The following APRT variants were observed in gnomAD, a reference collection of about 807,000 sequenced individuals.
The protein encoded by APRT is adenine phosphoribosyltransferase, also known as AMP diphosphorylase.
APRT carries 25 observed loss-of-function variants against 21.0 expected under a neutral mutation model. That is an observed-to-expected ratio of 1.19 (90% CI 0.87 to 1.66). APRT has a LOEUF of 1.66. APRT is among the 40% of genes most tolerant of loss of function. APRT has a pLI of 0.00. For missense variants in APRT, 294 were observed against 232.7 expected, an observed-to-expected ratio of 1.26 and a Z score of -1.72; for synonymous variants, 153 against 109.0, an observed-to-expected ratio of 1.40 and a Z score of -2.52.
In APRT at chr16:88,809,579, G is replaced by A; in HGVS notation, c.*119C>T. On this transcript the variant is annotated 3_prime_UTR_variant, in exon 5 of 5. Transcript: ENST00000378364. ...CACTTCCAGCCCCAGGAGAGGCGCT[G>A]AACCCCAGCAAAGGAATGTGTTCCC... The A allele has an allele frequency of 6.6e-7, 1 of 1,512,362 alleles. No individual in the cohort carries two copies. The allele number at this position is 1,512,362 out of a possible 1,614,324, so 93.7% of individuals were successfully genotyped here.
At chr16:88,810,904 C>CGAGGTGGCCTGAGCT (rs1909108302) in intron 2 of APRT, among the ~76,000 whole-genome samples, 1 of 152,158 alleles carries the variant, frequency 6.6e-6, no homozygotes, top group Admixed American at 6.5e-5. Context: ...GGGAGTCTCT[C>CGAGGTGGCCTGAGCT]GAGGTGGCCT....
At position 88,809,616 on chromosome 16, in the gene APRT, G is replaced by A. The variant is rs1028927368; in HGVS notation, c.*82C>T. The A allele has an allele frequency of 6.9e-6, 11 of 1,592,610 alleles. No homozygotes were observed. The highest frequency in any genetic ancestry group is 1.7e-4 in the Middle Eastern group (1 of 6,022). On this transcript the variant is annotated 3_prime_UTR_variant, in exon 5 of 5. Coordinates refer to ENST00000378364, the MANE Select transcript of APRT (RefSeq NM_000485.3). ...AGGAATGTGTTCCCTGTGGGCAGCCGGTGCCCCTGGTCACTGCAGTTGCCC... is the reference window on the plus strand; with the variant it reads ...AGGAATGTGTTCCCTGTGGGCAGCCAGTGCCCCTGGTCACTGCAGTTGCCC...
In APRT at chr16:88,810,494, C is replaced by T. The variant is rs200392753; in HGVS notation, c.250G>A (p.Val84Met). 1.9e-5 allele frequency: 31 copies of T among 1,612,390 alleles called. No individual in the cohort carries two copies. Among genetic ancestry groups the T allele is most frequent in the Middle Eastern group, 3.3e-4 (2 of 6,062 alleles). The change falls in exon 3 of 5, where the codon GTG becomes ATG. Residue 84 changes from valine to methionine, a missense_variant. Transcript: ENST00000378364. Reference protein sequence around the residue: ...SLAQELGLGCVLIRKRGKLPG... With the variant: ...SLAQELGLGCMLIRKRGKLPG... Reference sequence around the variant, plus strand: ...AGCTTCCCCCGCTTTCGGATGAGCACGCAGCCCAGTCCAAGCTCCTGGGCC... The same window carrying T: ...AGCTTCCCCCGCTTTCGGATGAGCATGCAGCCCAGTCCAAGCTCCTGGGCC...
chr16:88,811,297 A>G (rs994552358), intron 2 of APRT: 9 of 563,124 alleles, frequency 1.6e-5, no homozygotes, highest in Non-Finnish European at 3.1e-6. Context: ...CAGGGAGACC[A>G]ACTGACCCGG....
Position 88,810,870 on chromosome 16 carries a change from T to C in APRT, c.188-314A>G, listed in dbSNP as rs191058824. ...CTCAGCTTACTCTCAAAGGCAGCTC[T>C]GCACCAGGGCTTCTGTCTAAAAAGG... is the stretch of plus-strand genomic sequence containing the variant. On this transcript the variant is annotated intron_variant, in intron 2 of 4. Transcript: ENST00000378364. Among the ~76,000 whole-genome samples, 223 of 152,292 alleles carry C rather than the reference T, an allele frequency of 1.5e-3. 1 individual carries two copies. Among genetic ancestry groups the C allele is most frequent in the African/African-American group, 5.0e-3 (207 of 41,554 alleles).
At position 88,809,370 on chromosome 16, in the gene APRT, T is replaced by C; in HGVS notation, c.*328A>G. ...AGGTGAGAACCAGGACAGGTTCTGC[T>C]GGGCATCACGCCAAGCAGCACATGC... On this transcript the variant is annotated 3_prime_UTR_variant, in exon 5 of 5. Coordinates refer to ENST00000378364, the MANE Select transcript of APRT (RefSeq NM_000485.3). 2.0e-6 allele frequency: 1 copy of C among 495,622 alleles called. No homozygotes were observed. The highest frequency in any genetic ancestry group is 3.9e-6 in the Non-Finnish European group (1 of 254,184). 30.7% of individuals were successfully genotyped at this position (495,622 alleles called of 1,614,324 possible). A position where few individuals can be genotyped will look rare whatever the true frequency, so the allele number is the denominator to read the frequency against.
chr16:88,809,544 C>G lies in APRT; in HGVS notation c.*154G>C, dbSNP rs181364821. 148 of 1,243,360 alleles carry G rather than the reference C, an allele frequency of 1.2e-4. 1 individual carries two copies. The African/African-American group carries it at 1.8e-3, about 15-fold the overall frequency. 77.0% of individuals were successfully genotyped at this position (1,243,360 alleles called of 1,614,324 possible). On this transcript the variant is annotated 3_prime_UTR_variant, in exon 5 of 5. Transcript: ENST00000378364. ...GTGTGGCTGAAACACAGCTTTGCCC[C>G]AGGCTTTGGCACTTCCAGCCCCAGG...
chr16:88,809,974 C>T, intron 4 of APRT, 96 bp downstream of exon 4: 1 of 1,567,458 alleles, frequency 6.4e-7, no homozygotes, highest in Non-Finnish European at 8.7e-7. Context: ...ACCCTCTGGA[C>T]AACAGTAAGC....
intron 3 of APRT, 32 bp downstream of exon 3, chr16:88,810,386 GGCCCT>G: frequency 6.2e-7 from 1 of 1,608,528 alleles, no homozygotes; most frequent in Non-Finnish European, 8.5e-7. Flanking sequence ...ACGGTGGCCT[GGCCCT>G]GCCCTTCCTC....
rs1027760229 is a variant in APRT, at chr16:88,809,392, A to G, written c.*306T>C. The G allele has an allele frequency of 3.2e-5, 17 of 529,222 alleles. No individual in the cohort carries two copies. Among genetic ancestry groups the G allele is most frequent in the Non-Finnish European group, 5.8e-5 (16 of 275,122 alleles). 32.8% of individuals were successfully genotyped at this position (529,222 alleles called of 1,614,324 possible). A position where few individuals can be genotyped will look rare whatever the true frequency, so the allele number is the denominator to read the frequency against. ...TGCTGGGCATCACGCCAAGCAGCAC[A>G]TGCCCACAGTACAGCTGAAGTCTGG... On this transcript the variant is annotated 3_prime_UTR_variant, in exon 5 of 5. Transcript: ENST00000378364.
rs1374318049 is a variant in APRT at position 88,811,913 on chromosome 16, G to A, written c.-14C>T. 17 of 1,542,314 alleles carry A rather than the reference G, an allele frequency of 1.1e-5. No homozygotes were observed. Among genetic ancestry groups the A allele is most frequent in the Middle Eastern group, 2.1e-4 (1 of 4,838 alleles). On this transcript the variant is annotated 5_prime_UTR_variant, in exon 1 of 5. Coordinates refer to ENST00000378364, the MANE Select transcript of APRT (RefSeq NM_000485.3). ...GGAGTCGGCCATGGCCGCGTGCGAAGAGCCAGCGGCAGCCCGAGCGCGCCT... is the reference window on the plus strand; with the variant it reads ...GGAGTCGGCCATGGCCGCGTGCGAAAAGCCAGCGGCAGCCCGAGCGCGCCT...
At chr16:88,811,062 G>A (rs889511456) in intron 2 of APRT, 4 of 280,996 alleles carry the variant, frequency 1.4e-5, no homozygotes, top group Non-Finnish European at 2.7e-5. Flanking sequence ...CAGTGTCCAG[G>A]GAGTGGGCTG....
rs1394771405 is a variant in APRT, at chr16:88,809,805, G to A, written c.436C>T (p.Leu146=). 1.2e-6 allele frequency: 2 copies of A among 1,613,000 alleles called. No individual in the cohort carries two copies. The highest frequency in any genetic ancestry group is 2.2e-5 in the East Asian group (1 of 44,890). The change falls in exon 5 of 5, where the codon CTG becomes TTG. Residue 146 remains leucine, a synonymous_variant. Transcript: ENST00000378364. ...MNAACELLGR[L]QAEVLECVSL... is the part of the protein sequence containing the mutation. Reference sequence around the variant, plus strand: ...ACGCACTCCAGGACCTCAGCCTGCAGGCGGCCCAGCAGCTCACAGGCAGCG... The same window carrying A: ...ACGCACTCCAGGACCTCAGCCTGCAAGCGGCCCAGCAGCTCACAGGCAGCG...
Position 88,810,069 on chromosome 16 carries a change from C to A in APRT, c.400+1G>T, listed in dbSNP as rs1317695590. On this transcript the variant is annotated splice_donor_variant, in intron 4 of 4. Transcript: ENST00000378364. LOFTEE classifies it high-confidence loss of function. The stretch of plus-strand genomic sequence containing the variant: ...GCAGTTGGCTGCGGGGAGACCCTTA[C>A]CACCAGTGGCCAGCAGATCATCCAC... The A allele has an allele frequency of 6.2e-7, 1 of 1,613,082 alleles. No homozygotes were observed.
chr16:88,811,674 C>G lies in APRT; in HGVS notation c.81-18G>C, dbSNP rs2142954544. ...AGATGTCCCTGGACCCAAGGACAGG[C>G]CTGGTGACGCCGGGGCCGAAGGAGG... On this transcript the variant is annotated intron_variant, in intron 1 of 4. Transcript: ENST00000378364. 1.3e-6 allele frequency: 2 copies of G among 1,555,554 alleles called. No homozygotes were observed. The highest frequency in any genetic ancestry group is 1.7e-6 in the Non-Finnish European group (2 of 1,146,962).
At chr16:88,811,299 C>G in intron 2 of APRT, 1 of 563,454 alleles carries the variant, frequency 1.8e-6, no homozygotes, top group Non-Finnish European at 3.1e-6. Flanking sequence ...GGGAGACCAA[C>G]TGACCCGGCA....
chr16:88,810,087 TC>T lies in APRT; in HGVS notation c.382del (p.Asp128IlefsTer9). ...EPGQRVVVVD[D>X]LLATGGTMNA... is the part of the protein sequence containing the mutation. The stretch of plus-strand genomic sequence containing the variant: ...ACCCTTACCACCAGTGGCCAGCAGA[TC>T]ATCCACGACGACCACCCTCTGTCCT... On this transcript the variant is annotated frameshift_variant, in exon 4 of 5. Transcript: ENST00000378364. LOFTEE classifies it high-confidence loss of function. 1 of 1,613,228 alleles carries T rather than the reference TC, an allele frequency of 6.2e-7. No individual in the cohort carries two copies. The highest frequency in any genetic ancestry group is 8.5e-7 in the Non-Finnish European group (1 of 1,180,018).
Position 88,809,437 on chromosome 16 carries a change from G to T in APRT, c.*261C>A, listed in dbSNP as rs1195255027. ...GTCTGGTGTTGTCCTGGGGCTCCCTGCCCTGGGGAACAGGAGGACAGGAGA... is the reference window on the plus strand; with the variant it reads ...GTCTGGTGTTGTCCTGGGGCTCCCTTCCCTGGGGAACAGGAGGACAGGAGA... On this transcript the variant is annotated 3_prime_UTR_variant, in exon 5 of 5. Transcript: ENST00000378364. The T allele has an allele frequency of 3.3e-6, 2 of 609,154 alleles. No homozygotes were observed. The highest frequency in any genetic ancestry group is 2.2e-5 in the Admixed American group (1 of 46,498). The allele number at this position is 609,154 out of a possible 1,614,324, so 37.7% of individuals were successfully genotyped here.
rs200953386 is a variant in APRT, at chr16:88,810,386, G to A, written c.321+37C>T. ...TGGGGGAGAGTGGCCACGGTGGCCT[G>A]GCCCTGCCCTTCCTCTGGCCACCCC... On this transcript the variant is annotated intron_variant, in intron 3 of 4. Coordinates refer to ENST00000378364, the MANE Select transcript of APRT (RefSeq NM_000485.3). 974 of 1,608,526 alleles carry A rather than the reference G, an allele frequency of 6.1e-4. 5 individuals are homozygous for A. Among genetic ancestry groups the A allele is most frequent in the Admixed American group, 1.8e-3 (109 of 59,938 alleles).
Sources: allele counts gnomAD v4.1 joint callset (sites outside exome capture counted in the v4.1 genomes callset), GRCh38; gene constraint gnomAD v4.1.1; transcripts MANE v1.5; gene names NCBI Gene and HGNC (gene_info 2026-07-23, HGNC 2026-07-21).